MGST1: variants seen among roughly 807,000 people sequenced by gnomAD.
MGST1 encodes microsomal glutathione S-transferase 1, also known as glutathione S-transferase 12.
In MGST1, 5 loss-of-function variants were observed where a neutral mutation model predicts 8.9. The observed-to-expected ratio is 0.56, with a 90% CI of 0.29 to 1.19. The LOEUF (loss-of-function observed/expected upper bound fraction) is 1.19, where lower values mean the gene tolerates loss of function less well. Among genes scored for constraint, MGST1 ranks in the 50% most tolerant of loss-of-function variants. The pLI is 0.08. For synonymous variants in MGST1, 54 were observed against 67.8 expected (o/e 0.80, Z 1.00); for missense variants, 182 against 187.4 (o/e 0.97, Z 0.17).
At chr12:16,425,940 G>GT (rs763988493) in intron 1 of MGST1, among the ~76,000 whole-genome samples, 2 of 152,018 alleles carry the variant, frequency 1.3e-5, no homozygotes, top group Non-Finnish European at 1.5e-5. Flanking sequence ...ACTTTCATTT[G>GT]TTTTTTTCCA....
chr12:16,568,845 A>T (rs1186592110), intron 4 of MGST1, among the ~76,000 whole-genome samples: 1 of 152,176 alleles, frequency 6.6e-6, no homozygotes, highest in Non-Finnish European at 1.5e-5. Flanking sequence ...ATAACTTTGA[A>T]ACAAATGGAG....
intron 4 of MGST1, among the ~76,000 whole-genome samples, chr12:16,588,436 A>T (rs996128684): frequency 6.6e-6 from 1 of 152,070 alleles, no homozygotes; most frequent in African/African-American, 2.4e-5. Context: ...AAAATTTTAT[A>T]ATATAATTCT....
chr12:16,437,529 A>C (rs774459662), exon 2 of MGST1: 1 of 152,074 alleles, frequency 6.6e-6, no homozygotes, highest in African/African-American at 2.4e-5. Context: ...CAAGTTCTTC[A>C]TACTCTACTG....
rs540767174 is a variant in MGST1, at chr12:16,527,547, G to T, written n.483-61981G>T. On this transcript the variant is annotated intron_variant and non_coding_transcript_variant, in intron 4 of 4. Transcript: ENST00000538857. ...ACAAGTTGTTAAATTGGGGTAATTT[G>T]GCCATACATAACTGTTTCCCATCAC... is the stretch of plus-strand genomic sequence containing the variant. Among the ~76,000 whole-genome samples the T allele has an allele frequency of 3.3e-5, 5 of 152,020 alleles. No homozygotes were observed. In the South Asian group the frequency reaches 1.0e-3, roughly 32 times the overall value.
At chr12:16,568,592 CA>C (rs1207430158) in intron 4 of MGST1, among the ~76,000 whole-genome samples, 1 of 151,662 alleles carries the variant, frequency 6.6e-6, no homozygotes, top group Admixed American at 6.6e-5. Context: ...AAGCTTAGCA[CA>C]AAAAAGAAAA....
At chr12:16,405,528 A>C (rs1231125684) in intron 1 of MGST1, among the ~76,000 whole-genome samples, 1 of 152,146 alleles carries the variant, frequency 6.6e-6, no homozygotes, top group Non-Finnish European at 1.5e-5. Flanking sequence ...CTATTCCAAA[A>C]AATTGAGGAG....
chr12:16,476,636 A>G (rs550447514), intron 4 of MGST1, among the ~76,000 whole-genome samples: 1 of 152,298 alleles, frequency 6.6e-6, no homozygotes, highest in Admixed American at 6.5e-5. Context: ...AAATATAATC[A>G]TTTTGTTGGT....
chr12:16,510,094 A>G (rs757758113), intron 4 of MGST1, among the ~76,000 whole-genome samples: 3 of 152,198 alleles, frequency 2.0e-5, no homozygotes, highest in Non-Finnish European at 2.9e-5. Flanking sequence ...CACAAACCTT[A>G]AAAGGAAGCT....
At chr12:16,554,996 C>G (rs1942141575) in intron 4 of MGST1, among the ~76,000 whole-genome samples, 1 of 152,202 alleles carries the variant, frequency 6.6e-6, no homozygotes, top group Admixed American at 6.5e-5. Flanking sequence ...TTTCTTCTAA[C>G]TGTAATCTTG....
chr12:16,441,203 A>G, downstream of MGST1, among the ~76,000 whole-genome samples: 1 of 151,792 alleles, frequency 6.6e-6, no homozygotes, highest in Non-Finnish European at 1.5e-5. Context: ...TTTTAGATTC[A>G]TGGCAAAATT....
Position 16,401,946 on chromosome 12 carries a change from A to G in MGST1, n.778+18342A>G. ...AACTGCACTGATATCTATTTTGTCA[A>G]AGCCTTCTTTGTTGAGGCAGTCATT... is the stretch of plus-strand genomic sequence containing the variant. On this transcript the variant is annotated intron_variant and non_coding_transcript_variant, in intron 1 of 1. Transcript: ENST00000359720. This position sits in a 1 kb window ranked among gnomAD's most constrained non-coding sequence, Gnocchi z 4.3. 1 of 1,612,116 alleles carries G rather than the reference A, an allele frequency of 6.2e-7. No homozygotes were observed. Among genetic ancestry groups the G allele is most frequent in the East Asian group, 2.2e-5 (1 of 44,876 alleles).
In MGST1 at chr12:16,401,165, A is replaced by G; in HGVS notation, n.778+17561A>G. The G allele has an allele frequency of 6.4e-7, 1 of 1,559,990 alleles. No homozygotes were observed. Among genetic ancestry groups the G allele is most frequent in the Non-Finnish European group, 8.8e-7 (1 of 1,132,310 alleles). ...ACATTCTTCACTTTCTTCTTCACAG[A>G]AGTGAGAACAGTAGCTGGGCCATCC... On this transcript the variant is annotated intron_variant and non_coding_transcript_variant, in intron 1 of 1. Coordinates refer to the MGST1 transcript ENST00000359720. This position sits in a 1 kb window ranked among gnomAD's most constrained non-coding sequence, Gnocchi z 4.3.
At chr12:16,493,359 G>A (rs1941451139) in intron 4 of MGST1, among the ~76,000 whole-genome samples, 3 of 152,090 alleles carry the variant, frequency 2.0e-5, no homozygotes, top group African/African-American at 7.2e-5. Flanking sequence ...CTCTGTAGCA[G>A]CAGCATTAAC....
In MGST1 at chr12:16,409,668, A is replaced by G. The variant is rs73066128; in HGVS notation, n.778+26064A>G. 6.8e-3 allele frequency among the ~76,000 whole-genome samples: 1,037 copies of G among 152,266 alleles called. 6 individuals are homozygous for G. The highest frequency in any genetic ancestry group is 0.012 in the Non-Finnish European group (817 of 68,010). ...CAAATTTCTAAGCCTTTGCAGAACA[A>G]TATCCTGTTGCTTCCATGGCAGCTC... On this transcript the variant is annotated intron_variant and non_coding_transcript_variant, in intron 1 of 1. Transcript: ENST00000359720.
chr12:16,506,498 G>C (rs933999208), intron 4 of MGST1, among the ~76,000 whole-genome samples: 8 of 152,064 alleles, frequency 5.3e-5, no homozygotes, highest in African/African-American at 1.9e-4. Context: ...ATAGAGAATT[G>C]TCTCTCTACA....
chr12:16,511,971 G>A lies in MGST1; in HGVS notation n.483-77557G>A, dbSNP rs10846372. Reference sequence around the variant, plus strand: ...ACCTGCAATAATACATTGCCTGGGAGCCATTCAGTGTTTATGTCAGTCTAT... The same window carrying A: ...ACCTGCAATAATACATTGCCTGGGAACCATTCAGTGTTTATGTCAGTCTAT... On this transcript the variant is annotated intron_variant and non_coding_transcript_variant, in intron 4 of 4. Transcript: ENST00000538857. Among the ~76,000 whole-genome samples, 8 of 152,264 alleles carry A rather than the reference G, an allele frequency of 5.3e-5. No individual in the cohort carries two copies. The East Asian group carries it at 1.5e-3, about 29-fold the overall frequency.
chr12:16,415,307 T>C (rs1940778338), intron 1 of MGST1, among the ~76,000 whole-genome samples: 1 of 152,242 alleles, frequency 6.6e-6, no homozygotes, highest in Non-Finnish European at 1.5e-5. Flanking sequence ...GAGGGGTACA[T>C]TGTGAATTAC....
chr12:16,543,142 T>A (rs1168816045), intron 4 of MGST1, among the ~76,000 whole-genome samples: 1 of 152,166 alleles, frequency 6.6e-6, no homozygotes, highest in African/African-American at 2.4e-5. Context: ...AGAACATGGC[T>A]GAGAATCTGA....
intron 4 of MGST1, among the ~76,000 whole-genome samples, chr12:16,501,195 G>T (rs1941504164): frequency 6.6e-6 from 1 of 150,948 alleles, no homozygotes; most frequent in Non-Finnish European, 1.5e-5. Context: ...GAACTTCCTT[G>T]TGACATGTAA....
Sources: allele counts gnomAD v4.1 joint callset (sites outside exome capture counted in the v4.1 genomes callset), GRCh38; gene constraint gnomAD v4.1.1; non-coding constraint Gnocchi (gnomAD v3.1); transcripts MANE v1.5; gene names NCBI Gene and HGNC (gene_info 2026-07-23, HGNC 2026-07-21).